The following ABL2 variants were observed in gnomAD, a reference collection of about 807,000 sequenced individuals.
ABL2 encodes tyrosine-protein kinase ABL2.
Under a neutral mutation model 107.7 loss-of-function variants are expected in ABL2, and 49 were observed. The ratio of observed to expected loss-of-function variants is 0.45; its 90% CI spans 0.36 to 0.58. ABL2 has a LOEUF of 0.58. Among genes scored for constraint, ABL2 ranks in the 20% least tolerant of loss-of-function variants. The pLI is 0.00. For synonymous variants in ABL2, 549 were observed against 548.6 expected (o/e 1.00, Z -0.01); for missense variants, 1,245 against 1,457.0 (o/e 0.85, Z 2.37).
intron 5 of ABL2, among the ~76,000 whole-genome samples, chr1:179,121,143 G>A (rs1440618944): frequency 6.6e-6 from 1 of 152,162 alleles, no homozygotes; most frequent in Non-Finnish European, 1.5e-5. Flanking sequence ...GAGACATATA[G>A]TAGTACTACG....
chr1:179,168,031 A>G (rs1003589921), intron 1 of ABL2, among the ~76,000 whole-genome samples: 1 of 152,222 alleles, frequency 6.6e-6, no homozygotes, highest in Non-Finnish European at 1.5e-5. Context: ...ACAAATCCAA[A>G]TAAAAACAGA....
chr1:179,184,368 G>T, intron 1 of ABL2: 1 of 710,498 alleles, frequency 1.4e-6, no homozygotes. Context: ...TGGAAAGGAT[G>T]CGATGAAACA....
intron 1 of ABL2, chr1:179,183,837 C>T (rs1261945533): frequency 5.6e-6 from 1 of 178,570 alleles, no homozygotes; most frequent in Non-Finnish European, 1.2e-5. Context: ...ACTTTCCTAG[C>T]AGCATGGCCC....
intron 1 of ABL2, among the ~76,000 whole-genome samples, chr1:179,173,792 A>T (rs990539312): frequency 4.6e-5 from 7 of 152,206 alleles, no homozygotes; most frequent in Non-Finnish European, 1.0e-4. Flanking sequence ...ATTAAGTATT[A>T]TATCAATTAT....
chr1:179,151,513 G>C (rs1472789918), intron 1 of ABL2, among the ~76,000 whole-genome samples: 1 of 151,864 alleles, frequency 6.6e-6, no homozygotes, highest in Non-Finnish European at 1.5e-5. Context: ...AGTTTCTGTA[G>C]GTACAGAATC....
rs111776576 is a variant in ABL2 at position 179,175,505 on chromosome 1, T to C, written c.158-42131A>G. Among the ~76,000 whole-genome samples, 1,249 of 152,316 alleles carry C rather than the reference T, an allele frequency of 8.2e-3. 17 individuals are homozygous for C. Among genetic ancestry groups the C allele is most frequent in the African/African-American group, 0.028 (1,182 of 41,556 alleles). On this transcript the variant is annotated intron_variant, in intron 1 of 11. Transcript: ENST00000502732. ...TGTTTCACAATAATAAAAGCTTAGT[T>C]AACATCTGAAGACTTAATTAGAATA...
chr1:179,196,116 G>C (rs930972805), intron 1 of ABL2, among the ~76,000 whole-genome samples: 9 of 152,174 alleles, frequency 5.9e-5, no homozygotes, highest in African/African-American at 1.9e-4. Context: ...CTAGATGCCA[G>C]CCAAGGGCCA....
chr1:179,164,374 T>G (rs1298247306), intron 1 of ABL2, among the ~76,000 whole-genome samples: 3 of 152,224 alleles, frequency 2.0e-5, no homozygotes, highest in African/African-American at 7.2e-5. Context: ...TCCACACTTA[T>G]TTTAGATATA....
chr1:179,167,995 C>A (rs1270523065), intron 1 of ABL2, among the ~76,000 whole-genome samples: 2 of 152,024 alleles, frequency 1.3e-5, no homozygotes, highest in African/African-American at 4.8e-5. Context: ...AAACAAACAA[C>A]AACAACAACA....
rs1653043600 is a variant in ABL2 at position 179,100,990 on chromosome 1, G to C, written c.*6728C>G. 1 of 232,732 alleles carries C rather than the reference G, an allele frequency of 4.3e-6. No individual in the cohort carries two copies. The highest frequency in any genetic ancestry group is 8.5e-6 in the Non-Finnish European group (1 of 117,762). 14.4% of individuals were successfully genotyped at this position (232,732 alleles called of 1,614,324 possible). A position where few individuals can be genotyped will look rare whatever the true frequency, so the allele number is the denominator to read the frequency against. Reference sequence around the variant, plus strand: ...GGAAGGGTCCGGCGAGACCTCGCCAGGTGGGCTTGAGAAACGCAGCAACTG... The same window carrying C: ...GGAAGGGTCCGGCGAGACCTCGCCACGTGGGCTTGAGAAACGCAGCAACTG... On this transcript the variant is annotated 3_prime_UTR_variant, in exon 12 of 12. Transcript: ENST00000502732.
At chr1:179,176,134 T>C (rs77702316) in intron 1 of ABL2, among the ~76,000 whole-genome samples, 9,950 of 151,912 alleles carry the variant, frequency 0.065, 441 homozygotes, top group Non-Finnish European at 0.089. Context: ...GGATTACAAG[T>C]GTGAGACACC....
chr1:179,190,216 T>G (rs1169216520), intron 1 of ABL2, among the ~76,000 whole-genome samples: 1 of 152,298 alleles, frequency 6.6e-6, no homozygotes, highest in East Asian at 1.9e-4. Context: ...TGTCCCAGAC[T>G]TCAGATGCCA....
chr1:179,178,715 C>A (rs1427345537), intron 1 of ABL2, among the ~76,000 whole-genome samples: 2 of 152,016 alleles, frequency 1.3e-5, no homozygotes, highest in Non-Finnish European at 2.9e-5. Flanking sequence ...CATGGTGAAA[C>A]CCCGCCTCTA....
At chr1:179,116,016 T>A (rs1654582631) in intron 8 of ABL2, among the ~76,000 whole-genome samples, 1 of 151,554 alleles carries the variant, frequency 6.6e-6, no homozygotes, top group Non-Finnish European at 1.5e-5. Flanking sequence ...AGAGGAAACC[T>A]CATCACACTT....
intron 1 of ABL2, among the ~76,000 whole-genome samples, chr1:179,133,884 G>T (rs546299452): frequency 6.6e-6 from 1 of 152,246 alleles, no homozygotes; most frequent in African/African-American, 2.4e-5. Flanking sequence ...TGTGAATGTG[G>T]TATCTCTCTT....
At chr1:179,135,406 G>A (rs1310201408) in intron 1 of ABL2, among the ~76,000 whole-genome samples, 15 of 151,136 alleles carry the variant, frequency 9.9e-5, no homozygotes, top group Non-Finnish European at 2.1e-4. Flanking sequence ...TGTGAGAAGC[G>A]TCTCTGCCCG....
intron 1 of ABL2, among the ~76,000 whole-genome samples, chr1:179,216,718 C>G (rs1230568654): frequency 4.1e-5 from 6 of 145,080 alleles, no homozygotes; most frequent in Non-Finnish European, 3.1e-5. Flanking sequence ...TACACAGATT[C>G]TTTTTTTTTT....
intron 1 of ABL2, among the ~76,000 whole-genome samples, chr1:179,182,087 G>A (rs1441936787): frequency 2.0e-5 from 3 of 150,848 alleles, no homozygotes; most frequent in Admixed American, 6.7e-5. Context: ...GTGAGCCACC[G>A]CACCCAGCCT....
intron 1 of ABL2, among the ~76,000 whole-genome samples, chr1:179,209,497 T>C (rs933283928): frequency 6.6e-6 from 1 of 152,214 alleles, no homozygotes; most frequent in African/African-American, 2.4e-5. Context: ...TTTGCTGTAG[T>C]GGTCTCAGCC....
Sources: allele counts gnomAD v4.1 joint callset (sites outside exome capture counted in the v4.1 genomes callset), GRCh38; gene constraint gnomAD v4.1.1; transcripts MANE v1.5; gene names NCBI Gene and HGNC (gene_info 2026-07-23, HGNC 2026-07-21).